WSB2: variants seen among roughly 807,000 people sequenced by gnomAD.
WSB2 encodes the protein WD repeat and SOCS box containing 2, also known as WD repeat and SOCS box-containing protein 2.
In WSB2, 12 loss-of-function variants were observed where a neutral mutation model predicts 48.8. The ratio of observed to expected loss-of-function variants is 0.25; its 90% confidence interval spans 0.16 to 0.40. The LOEUF (loss-of-function observed/expected upper bound fraction) is 0.40, where lower values mean the gene tolerates loss of function less well. Ranked by LOEUF, WSB2 falls within the 10% of genes least tolerant of loss-of-function variation. WSB2 has a pLI of 1.00. For missense variants in WSB2, 317 were observed against 506.2 expected, an observed-to-expected ratio of 0.63 and a Z score of 3.59; for synonymous variants, 191 against 203.1, an observed-to-expected ratio of 0.94 and a Z score of 0.51.
upstream of WSB2, chr12:118,061,193 G>A: frequency 2.0e-6 from 2 of 983,696 alleles, no homozygotes; most frequent in Non-Finnish European, 2.4e-6. Flanking sequence ...GTCACATGGC[G>A]GTGGGCGCGG....
intron 8 of WSB2, chr12:118,034,583 G>GTCTCTC (rs10624358): frequency 1.9e-6 from 1 of 531,762 alleles, no homozygotes; most frequent in African/African-American, 1.9e-5. Flanking sequence ...CGCTCTCTCT[G>GTCTCTC]TCTCTCTCTC....
chr12:118,052,957 C>G (rs1258007872), intron 1 of WSB2, among the ~76,000 whole-genome samples: 1 of 152,182 alleles, frequency 6.6e-6, no homozygotes, highest in Non-Finnish European at 1.5e-5. Flanking sequence ...AAACGTTCAG[C>G]CCTTGCCCTG....
rs1465373352 is a variant in WSB2 at position 118,061,109 on chromosome 12, C to G, written c.-61G>C. 1.0e-6 allele frequency: 1 copy of G among 980,340 alleles called. No individual in the cohort carries two copies. Among genetic ancestry groups the G allele is most frequent in the Non-Finnish European group, 1.2e-6 (1 of 827,992 alleles). 60.7% of individuals were successfully genotyped at this position (980,340 alleles called of 1,614,324 possible). On this transcript the variant is annotated 5_prime_UTR_variant, in exon 1 of 9. Coordinates refer to ENST00000315436, the MANE Select transcript of WSB2 (RefSeq NM_018639.5). ...CGCCTCAGCCCCCCGGGCCGCGGGC[C>G]CTCATGCCGCCCCCGCGCCGCCCGC...
intron 2 of WSB2, among the ~76,000 whole-genome samples, chr12:118,045,341 G>C (rs2137781533): frequency 6.7e-6 from 1 of 149,554 alleles, no homozygotes; most frequent in Admixed American, 6.8e-5. Flanking sequence ...CTCCAGCCTG[G>C]GCAACAGAGC....
Position 118,060,782 on chromosome 12 carries a change from C to T in WSB2, c.13+254G>A, listed in dbSNP as rs549614811. The stretch of plus-strand genomic sequence containing the variant: ...GTCCCGGTCGGGGGATCTCCTCCCG[C>T]AGAAGCCCGATCTTCCCGATCCTGT... On this transcript the variant is annotated intron_variant, in intron 1 of 8. Transcript: ENST00000315436. This position sits in a 1 kb window ranked among gnomAD's most constrained non-coding sequence, Gnocchi z 4.1. 6.6e-6 allele frequency among the ~76,000 whole-genome samples: 1 copy of T among 152,198 alleles called. No homozygotes were observed. The highest frequency in any genetic ancestry group is 1.5e-5 in the Non-Finnish European group (1 of 67,964).
At position 118,034,136 on chromosome 12, in the gene WSB2, G is replaced by T; in HGVS notation, c.*60C>A. On this transcript the variant is annotated 3_prime_UTR_variant, in exon 9 of 9. Transcript: ENST00000315436. ...ACCAGATGTTTGGCCCATTATTCCAGCAACTCCCTTTGACAGGACGATTTA... is the reference window on the plus strand; with the variant it reads ...ACCAGATGTTTGGCCCATTATTCCATCAACTCCCTTTGACAGGACGATTTA... The T allele has an allele frequency of 6.2e-7, 1 of 1,600,092 alleles. No homozygotes were observed. Among genetic ancestry groups the T allele is most frequent in the South Asian group, 1.1e-5 (1 of 90,422 alleles).
chr12:118,055,768 C>A lies in WSB2; in HGVS notation c.14-3290G>T, dbSNP rs1250122919. ...AAGCTGGGATTACAGGCGTGCACCA[C>A]CACACCCAGCTAATTTTTGTATTTT... On this transcript the variant is annotated intron_variant, in intron 1 of 8. Transcript: ENST00000315436. Among the ~76,000 whole-genome samples the A allele has an allele frequency of 2.0e-5, 3 of 151,800 alleles. No homozygotes were observed. In the East Asian group the frequency reaches 5.8e-4, roughly 29 times the overall value.
rs1319534034 is a variant in WSB2, at chr12:118,035,257, A to C, written c.901T>G (p.Phe301Val). 6.2e-7 allele frequency: 1 copy of C among 1,614,102 alleles called. No homozygotes were observed. The highest frequency in any genetic ancestry group is 1.3e-5 in the African/African-American group (1 of 74,926). ...GCAAGGTACAAGCCTTCTGGAGAGA[A>C]GCACACAGATCTCAGTGAGCTAATG... is the stretch of plus-strand genomic sequence containing the variant. ...VHISSLRSVC[F>V]SPEGLYLATV... The change falls in exon 7 of 9, where the codon TTC (phenylalanine) becomes GTC (valine). Residue 301 changes from phenylalanine (F) to valine (V), a missense_variant. Coordinates refer to ENST00000315436, the MANE Select transcript of WSB2 (RefSeq NM_018639.5).
chr12:118,050,521 A>G (rs568199334), intron 2 of WSB2, among the ~76,000 whole-genome samples: 12 of 151,980 alleles, frequency 7.9e-5, no homozygotes, highest in East Asian at 7.8e-4. Flanking sequence ...CGCCTGTAGT[A>G]TCAGGTACTT....
chr12:118,032,980 A>G lies in WSB2; in HGVS notation c.*1216T>C, dbSNP rs558048610. The G allele has an allele frequency of 6.6e-6, 1 of 152,304 alleles. No individual in the cohort carries two copies. The highest frequency in any genetic ancestry group is 1.5e-5 in the Non-Finnish European group (1 of 68,036). The allele number at this position is 152,304 out of a possible 1,614,324, so 9.4% of individuals were successfully genotyped here. On this transcript the variant is annotated 3_prime_UTR_variant, in exon 9 of 9. Coordinates refer to ENST00000315436, the MANE Select transcript of WSB2 (RefSeq NM_018639.5). ...TGAAAAGACATGTTTTTCTTCAAGC[A>G]ACAAAGGTGGTAGAGGAAATTCCTC...
upstream of WSB2, among the ~76,000 whole-genome samples, chr12:118,061,579 A>G (rs1163071614): frequency 6.6e-6 from 1 of 150,516 alleles, no homozygotes; most frequent in Non-Finnish European, 1.5e-5. Flanking sequence ...CTCAGGGGAA[A>G]AGGGGGTGTT....
chr12:118,043,514 G>T, intron 2 of WSB2, 137 bp from the exon 3 acceptor site: 1 of 1,352,858 alleles, frequency 7.4e-7, no homozygotes, highest in African/African-American at 1.5e-5. Context: ...ACACAATCAT[G>T]GCTCACTGCA....
chr12:118,060,475 A>ACCCAGAC lies in WSB2; in HGVS notation c.13+554_13+560dup, dbSNP rs1156957404. Among the ~76,000 whole-genome samples, 2 of 152,060 alleles carry ACCCAGAC rather than the reference A, an allele frequency of 1.3e-5. No individual in the cohort carries two copies. The highest frequency in any genetic ancestry group is 4.8e-5 in the African/African-American group (2 of 41,398). ...TGGGAATAGATTGTTTCAATAGGGA[A>ACCCAGAC]CCCAGACCCCAGACCCCATTTTTAC... On this transcript the variant is annotated intron_variant, in intron 1 of 8. Transcript: ENST00000315436. This position sits in a 1 kb window ranked among gnomAD's most constrained non-coding sequence, Gnocchi z 4.1.
Position 118,043,366 on chromosome 12 carries a change from C to T in WSB2, c.194G>A (p.Gly65Glu). The T allele has an allele frequency of 6.5e-7, 1 of 1,550,228 alleles. No individual in the cohort carries two copies. The highest frequency in any genetic ancestry group is 2.1e-5 in the Admixed American group (1 of 48,608). ...GCTACTTCGGCTTTTGGCTTCAAAC[C>T]CTTTAGGGATGCTGGGAGAAGCAGA... ...WPLEEQFIPK[G>E]FEAKSRSSKN... Residue 65 changes from glycine to glutamate, a missense_variant, in exon 3 of 9, where the codon GGG (glycine) becomes GAG (glutamate). Gly to Glu is a moderately conservative substitution (Grantham distance 98). Transcript: ENST00000315436.
In WSB2 at chr12:118,060,588, C is replaced by T. The variant is rs1311951623; in HGVS notation, c.13+448G>A. 2.6e-5 allele frequency among the ~76,000 whole-genome samples: 4 copies of T among 152,246 alleles called. No individual in the cohort carries two copies. The highest frequency in any genetic ancestry group is 2.6e-4 in the Admixed American group (4 of 15,298). On this transcript the variant is annotated intron_variant, in intron 1 of 8. Coordinates refer to ENST00000315436, the MANE Select transcript of WSB2 (RefSeq NM_018639.5). This position sits in a 1 kb window ranked among gnomAD's most constrained non-coding sequence, Gnocchi z 4.1. Reference sequence around the variant, plus strand: ...GACGTGGGTGGCGGTGGTTCAGTGGCTTGTCCACTGTCACGATCACACAGC... The same window carrying T: ...GACGTGGGTGGCGGTGGTTCAGTGGTTTGTCCACTGTCACGATCACACAGC...
chr12:118,049,024 CAA>C (rs1434683042), intron 2 of WSB2, among the ~76,000 whole-genome samples: 2 of 152,142 alleles, frequency 1.3e-5, no homozygotes, highest in Admixed American at 6.5e-5. Flanking sequence ...AATTTGAAAA[CAA>C]GAGTGATTTT....
chr12:118,048,582 CA>C (rs111998638), intron 2 of WSB2, among the ~76,000 whole-genome samples: 19,391 of 130,232 alleles, frequency 0.15, 1,439 homozygotes, highest in Middle Eastern at 0.22. Context: ...AAGACTCTCT[CA>C]AAAAAAAAAA....
chr12:118,056,535 C>G (rs946474806), intron 1 of WSB2, among the ~76,000 whole-genome samples: 1 of 152,162 alleles, frequency 6.6e-6, no homozygotes, highest in Non-Finnish European at 1.5e-5. Context: ...GGCAGAGTTC[C>G]TGGTGGAGGG....
Position 118,061,126 on chromosome 12 carries a change from G to A in WSB2, c.-78C>T, listed in dbSNP as rs1302529454. 64 of 980,358 alleles carry A rather than the reference G, an allele frequency of 6.5e-5. No homozygotes were observed. The highest frequency in any genetic ancestry group is 7.4e-5 in the Non-Finnish European group (61 of 827,966). The allele number at this position is 980,358 out of a possible 1,614,324, so 60.7% of individuals were successfully genotyped here. ...CCGCGGGCCCTCATGCCGCCCCCGC[G>A]CCGCCCGCCCCGGCCAGGCCGCCGC... On this transcript the variant is annotated 5_prime_UTR_variant, in exon 1 of 9. Transcript: ENST00000315436.
Sources: gnomAD v4.1 joint callset for allele counts (sites outside exome capture counted in the v4.1 genomes callset) on GRCh38, gnomAD v4.1.1 for gene constraint, Gnocchi (gnomAD v3.1) non-coding constraint, MANE v1.5 for transcripts, NCBI Gene and HGNC (gene_info 2026-07-23, HGNC 2026-07-21) for gene names.